Variants in TENM3 observed in about 807,000 individuals in gnomAD.
TENM3 encodes teneurin-3.
Under a neutral mutation model 255.1 loss-of-function variants are expected in TENM3, and 63 were observed. The ratio of observed to expected loss-of-function variants is 0.25; its 90% confidence interval spans 0.20 to 0.30. TENM3 has a LOEUF of 0.30. Among genes scored for constraint, TENM3 ranks in the 10% least tolerant of loss-of-function variants. The pLI is 1.00. For missense variants in TENM3, 2,929 were observed against 3,461.1 expected (o/e 0.85, Z 3.86); for synonymous variants, 1,306 against 1,322.3 (o/e 0.99, Z 0.27).
chr4:182,417,994 G>A (rs1203906625), intron 3 of TENM3, among the ~76,000 whole-genome samples: 1 of 151,894 alleles, frequency 6.6e-6, no homozygotes, highest in Non-Finnish European at 1.5e-5. Context: ...CCCTAATTTT[G>A]AAAAAAATTC....
intron 1 of TENM3, among the ~76,000 whole-genome samples, chr4:182,287,174 G>A (rs951191823): frequency 2.0e-5 from 3 of 152,330 alleles, no homozygotes; most frequent in African/African-American, 7.2e-5. Context: ...ACTCCAGTGA[G>A]CCATGACCAC....
intron 1 of TENM3, among the ~76,000 whole-genome samples, chr4:182,253,497 A>G (rs1346900063): frequency 6.6e-6 from 1 of 152,198 alleles, no homozygotes; most frequent in African/African-American, 2.4e-5. Flanking sequence ...CAGAAGATTT[A>G]TACAAAGAAA....
chr4:182,346,893 G>C lies in TENM3; in HGVS notation c.475G>C (p.Asp159His). ...SRSNSALTLT[D>H]TEHENKSDSE... Reference sequence around the variant, plus strand: ...GTCCAACTCAGCCCTCACCCTGACAGATACGGAGCACGAAAACAAGTCCGA... The same window carrying C: ...GTCCAACTCAGCCCTCACCCTGACACATACGGAGCACGAAAACAAGTCCGA... Residue 159 changes from aspartate to histidine, a missense_variant, in exon 3 of 28, where the codon GAT (aspartate) becomes CAT (histidine). By Grantham distance (81) the Asp-to-His change is moderately conservative. Coordinates refer to ENST00000511685, the MANE Select transcript of TENM3 (RefSeq NM_001080477.4). 1.9e-6 allele frequency: 3 copies of C among 1,612,260 alleles called. No homozygotes were observed.
At chr4:181,850,933 C>A in the TENM3 span, among the ~76,000 whole-genome samples, 3 of 152,288 alleles carry the variant, frequency 2.0e-5, no homozygotes, top group Non-Finnish European at 4.4e-5. Flanking sequence ...AATTACATCA[C>A]CACTGGAGGT....
intron 3 of TENM3, among the ~76,000 whole-genome samples, chr4:182,453,622 A>C (rs1773651464): frequency 6.6e-6 from 1 of 152,164 alleles, no homozygotes; most frequent in South Asian, 2.1e-4. Context: ...ATTTGTAAAA[A>C]ATTAAAACGA....
At chr4:181,918,231 T>C in the TENM3 span, among the ~76,000 whole-genome samples, 10 of 152,282 alleles carry the variant, frequency 6.6e-5, no homozygotes, top group African/African-American at 2.2e-4. Flanking sequence ...TAATAAAATT[T>C]GCATATTCAT....
chr4:182,711,051 A>G (rs1478885993), intron 12 of TENM3, among the ~76,000 whole-genome samples: 2 of 152,190 alleles, frequency 1.3e-5, no homozygotes, highest in African/African-American at 2.4e-5. Flanking sequence ...ATCATTGTCT[A>G]TCTGGCTTGC....
the TENM3 span, among the ~76,000 whole-genome samples, chr4:181,555,158 C>A: frequency 6.6e-6 from 1 of 152,152 alleles, no homozygotes; most frequent in Non-Finnish European, 1.5e-5. Context: ...AGACCAAACA[C>A]TTTAAATGCA....
At chr4:181,541,386 T>TA in the TENM3 span, among the ~76,000 whole-genome samples, 2 of 151,830 alleles carry the variant, frequency 1.3e-5, no homozygotes, top group Admixed American at 6.6e-5. Flanking sequence ...TCCTGTCTCT[T>TA]AAAAAAAATT....
At chr4:182,788,456 A>T (rs994386644) in intron 24 of TENM3, among the ~76,000 whole-genome samples, 5 of 152,254 alleles carry the variant, frequency 3.3e-5, no homozygotes, top group African/African-American at 1.2e-4. Flanking sequence ...TCAGATAAGT[A>T]CAATATTCGG....
At chr4:181,844,301 A>G in the TENM3 span, among the ~76,000 whole-genome samples, 3 of 152,184 alleles carry the variant, frequency 2.0e-5, no homozygotes, top group South Asian at 6.2e-4. Flanking sequence ...CGACATGGAA[A>G]TACGCTGTGG....
intron 1 of TENM3, among the ~76,000 whole-genome samples, chr4:182,207,096 A>G (rs188779547): frequency 1.7e-3 from 256 of 152,310 alleles, no homozygotes; most frequent in African/African-American, 5.8e-3. Flanking sequence ...AAATTAAGAA[A>G]GCTACATGTA....
intron 3 of TENM3, among the ~76,000 whole-genome samples, chr4:182,467,957 C>G (rs1234778456): frequency 6.6e-6 from 1 of 152,170 alleles, no homozygotes; most frequent in Non-Finnish European, 1.5e-5. Flanking sequence ...ATTCCTCATT[C>G]AGGCATAAGA....
chr4:181,866,084 G>C, the TENM3 span, among the ~76,000 whole-genome samples: 4 of 152,158 alleles, frequency 2.6e-5, no homozygotes, highest in Non-Finnish European at 5.9e-5. Flanking sequence ...TTTTGCAAGG[G>C]AAAAGTTAAC....
intron 3 of TENM3, among the ~76,000 whole-genome samples, chr4:182,363,271 T>G (rs957139359): frequency 6.6e-6 from 1 of 152,120 alleles, no homozygotes; most frequent in Non-Finnish European, 1.5e-5. Context: ...TTGATGTGAG[T>G]ATGTGATATT....
chr4:182,327,644 A>G (rs568494026), intron 2 of TENM3, among the ~76,000 whole-genome samples: 1 of 152,310 alleles, frequency 6.6e-6, no homozygotes, highest in East Asian at 1.9e-4. Context: ...GGGATCTCAC[A>G]TTGATCTCTT....
chr4:181,895,805 A>G, the TENM3 span, among the ~76,000 whole-genome samples: 2 of 151,994 alleles, frequency 1.3e-5, no homozygotes, highest in East Asian at 3.9e-4. Context: ...TTAGCCTCCC[A>G]AAGTGCTGGG....
At chr4:182,391,912 CATA>C (rs904944221) in intron 3 of TENM3, among the ~76,000 whole-genome samples, 2 of 151,930 alleles carry the variant, frequency 1.3e-5, no homozygotes. Flanking sequence ...GAAAATATGG[CATA>C]ATATTTCATT....
At chr4:181,551,105 C>G in the TENM3 span, among the ~76,000 whole-genome samples, 1 of 152,042 alleles carries the variant, frequency 6.6e-6, no homozygotes, top group Non-Finnish European at 1.5e-5. Flanking sequence ...TTCCCCCACC[C>G]CTGGGAAGCA....
Sources: gnomAD v4.1 joint callset for allele counts (sites outside exome capture counted in the v4.1 genomes callset) on GRCh38, gnomAD v4.1.1 for gene constraint, MANE v1.5 for transcripts, NCBI Gene and HGNC (gene_info 2026-07-23, HGNC 2026-07-21) for gene names.